Variants in LGALS1 observed in about 807,000 individuals in gnomAD.
LGALS1 encodes the protein galectin-1.
In LGALS1, 14 loss-of-function variants were observed where a neutral mutation model predicts 14.4. That is an observed-to-expected ratio of 0.97 (90% confidence interval 0.64 to 1.52). The LOEUF (loss-of-function observed/expected upper bound fraction) is 1.52, where lower values mean the gene tolerates loss of function less well. Ranked by LOEUF, LGALS1 falls within the 40% of genes most tolerant of loss-of-function variation. The pLI is 0.00. For synonymous variants in LGALS1, 71 were observed against 73.4 expected (o/e 0.97, Z 0.17); for missense variants, 170 against 181.4 (o/e 0.94, Z 0.36).
chr22:37,678,760 C>T lies in LGALS1; in HGVS notation c.261+106C>T, dbSNP rs368995959. 4.6e-5 allele frequency: 50 copies of T among 1,094,998 alleles called. No individual in the cohort carries two copies. In the South Asian group the frequency reaches 7.1e-4, roughly 16 times the overall value. 67.8% of individuals were successfully genotyped at this position (1,094,998 alleles called of 1,614,324 possible). ...TGGCCCTGCCTGCTCTTTCCCCTCC[C>T]CTTCCCTCCCTTCCTGTGTGATGGC... On this transcript the variant is annotated intron_variant, in intron 3 of 3. Transcript: ENST00000215909.
intron 2 of LGALS1, chr22:37,677,489 T>C (rs1420712828): frequency 1.0e-5 from 2 of 190,554 alleles, no homozygotes; most frequent in African/African-American, 4.7e-5. Flanking sequence ...TCACTTCTCA[T>C]TCACTCAGAC....
At chr22:37,676,905 C>A (rs1273965722) in intron 1 of LGALS1, 81 bp from the exon 2 acceptor site, 3 of 1,462,184 alleles carry the variant, frequency 2.1e-6, no homozygotes, top group South Asian at 2.3e-5. Flanking sequence ...AACCCCACTC[C>A]CACCCCCAGC....
Position 37,675,648 on chromosome 22 carries a change from T to A in LGALS1, c.-55T>A, listed in dbSNP as rs1267212951. On this transcript the variant is annotated 5_prime_UTR_variant, in exon 1 of 4. Transcript: ENST00000215909. Reference sequence around the variant, plus strand: ...CGTCCGGGGGCCCATCTCTCTCGGGTGGAGTCTTCTGACAGCTGGTGCGCC... The same window carrying A: ...CGTCCGGGGGCCCATCTCTCTCGGGAGGAGTCTTCTGACAGCTGGTGCGCC... The A allele has an allele frequency of 6.5e-7, 1 of 1,544,800 alleles. No homozygotes were observed. Among genetic ancestry groups the A allele is most frequent in the Non-Finnish European group, 8.7e-7 (1 of 1,144,302 alleles).
chr22:37,677,291 G>T, intron 2 of LGALS1: 1 of 560,468 alleles, frequency 1.8e-6, no homozygotes. Flanking sequence ...AACTAAACCA[G>T]CTGCAGCCTC....
intron 2 of LGALS1, 155 bp from the exon 3 acceptor site, chr22:37,678,328 G>A: frequency 1.3e-6 from 1 of 788,796 alleles, no homozygotes; most frequent in Non-Finnish European, 2.2e-6. Context: ...AGGGGCAGGA[G>A]CAGGTGGCAT....
chr22:37,679,658 A>G lies in LGALS1; in HGVS notation c.317A>G (p.Glu106Gly), dbSNP rs148625706. 2 of 1,610,638 alleles carry G rather than the reference A, an allele frequency of 1.2e-6. No homozygotes were observed. The highest frequency in any genetic ancestry group is 2.7e-5 in the African/African-American group (2 of 74,814). The change falls in exon 4 of 4, where the codon GAA becomes GGA. Residue 106 changes from glutamate (E) to glycine (G), a missense_variant. Coordinates refer to ENST00000215909, the MANE Select transcript of LGALS1 (RefSeq NM_002305.4). ...NLTVKLPDGY[E>G]FKFPNRLNLE... Reference sequence around the variant, plus strand: ...ACCGTCAAGCTGCCAGATGGATACGAATTCAAGTTCCCCAACCGCCTCAAC... The same window carrying G: ...ACCGTCAAGCTGCCAGATGGATACGGATTCAAGTTCCCCAACCGCCTCAAC...
chr22:37,678,507 C>T lies in LGALS1; in HGVS notation c.114C>T (p.Asp38=). The part of the protein sequence containing the change: ...AKSFVLNLGK[D]SNNLCLHFNP... ...GCTTCGTGCTGAACCTGGGCAAAGA[C>T]AGCAACAACCTGTGCCTGCACTTCA... Residue 38 remains aspartate, a synonymous_variant, in exon 3 of 4, where the codon GAC becomes GAT. Coordinates refer to ENST00000215909, the MANE Select transcript of LGALS1 (RefSeq NM_002305.4). 6.2e-7 allele frequency: 1 copy of T among 1,613,628 alleles called. No individual in the cohort carries two copies. Among genetic ancestry groups the T allele is most frequent in the Non-Finnish European group, 8.5e-7 (1 of 1,180,042 alleles).
In LGALS1 at chr22:37,675,669, G is replaced by T. The variant is rs781644958; in HGVS notation, c.-34G>T. On this transcript the variant is annotated 5_prime_UTR_variant, in exon 1 of 4. Transcript: ENST00000215909. Reference sequence around the variant, plus strand: ...CGGGTGGAGTCTTCTGACAGCTGGTGCGCCTGCCCGGGAACATCCTCCTGG... The same window carrying T: ...CGGGTGGAGTCTTCTGACAGCTGGTTCGCCTGCCCGGGAACATCCTCCTGG... The T allele has an allele frequency of 1.6e-5, 25 of 1,549,294 alleles. No individual in the cohort carries two copies. In the Admixed American group the frequency reaches 4.3e-4, roughly 27 times the overall value.
chr22:37,678,517 C>T lies in LGALS1; in HGVS notation c.124C>T (p.Leu42=), dbSNP rs770561637. The T allele has an allele frequency of 6.2e-7, 1 of 1,613,660 alleles. No individual in the cohort carries two copies. The highest frequency in any genetic ancestry group is 1.1e-5 in the South Asian group (1 of 91,086). Residue 42 remains leucine, a synonymous_variant, in exon 3 of 4, where the codon CTG becomes TTG. Transcript: ENST00000215909. ...VLNLGKDSNN[L]CLHFNPRFNA... is the part of the protein sequence containing the mutation. Reference sequence around the variant, plus strand: ...GAACCTGGGCAAAGACAGCAACAACCTGTGCCTGCACTTCAACCCTCGCTT... The same window carrying T: ...GAACCTGGGCAAAGACAGCAACAACTTGTGCCTGCACTTCAACCCTCGCTT...
intron 3 of LGALS1, 26 bp from the exon 4 acceptor site, chr22:37,679,577 G>A (rs372678788): frequency 1.9e-5 from 30 of 1,558,314 alleles, no homozygotes; most frequent in Admixed American, 7.4e-5. Context: ...ATGTGGGCCC[G>A]GCTCACTGCT....
At position 37,675,637 on chromosome 22, in the gene LGALS1, T is replaced by C; in HGVS notation, c.-66T>C. 3 of 1,532,522 alleles carry C rather than the reference T, an allele frequency of 2.0e-6. No individual in the cohort carries two copies. The highest frequency in any genetic ancestry group is 2.5e-5 in the East Asian group (1 of 40,336). 94.9% of individuals were successfully genotyped at this position (1,532,522 alleles called of 1,614,324 possible). ...AAGGGTGGGAGCGTCCGGGGGCCCA[T>C]CTCTCTCGGGTGGAGTCTTCTGACA... On this transcript the variant is annotated 5_prime_UTR_variant, in exon 1 of 4. Coordinates refer to ENST00000215909, the MANE Select transcript of LGALS1 (RefSeq NM_002305.4).
At chr22:37,678,692 GCT>G in intron 3 of LGALS1, 38 bp downstream of exon 3, 3 of 1,461,386 alleles carry the variant, frequency 2.1e-6, no homozygotes, top group South Asian at 1.3e-5. Flanking sequence ...AGGGACAGGG[GCT>G]GGGTGGGCTG....
rs981801996 is a variant in LGALS1, at chr22:37,675,994, G to A, written c.9+283G>A. ...TTCTGCAGCTCTCTGAGAAGTGAGC[G>A]TGGGAAGGGTGTGGCCAACTGGGGG... On this transcript the variant is annotated intron_variant, in intron 1 of 3. Transcript: ENST00000215909. The A allele has an allele frequency of 1.1e-5, 4 of 353,758 alleles. No homozygotes were observed. In the Admixed American group the frequency reaches 1.4e-4, roughly 12 times the overall value. The allele number at this position is 353,758 out of a possible 1,614,324, so 21.9% of individuals were successfully genotyped here. A position where few individuals can be genotyped will look rare whatever the true frequency, so the allele number is the denominator to read the frequency against.
At chr22:37,677,208 C>G in intron 2 of LGALS1, 143 bp downstream of exon 2, 4 of 798,272 alleles carry the variant, frequency 5.0e-6, no homozygotes, top group Non-Finnish European at 8.0e-6. Flanking sequence ...GGGTGACTCA[C>G]TTCCCCCGCA....
In LGALS1 at chr22:37,678,675, G is replaced by A. The variant is rs201542530; in HGVS notation, c.261+21G>A. The A allele has an allele frequency of 1.0e-3, 1,582 of 1,562,124 alleles. 14 individuals carry two copies. The African/African-American group carries it at 0.019, about 18-fold the overall frequency. On this transcript the variant is annotated intron_variant, in intron 3 of 3. Coordinates refer to ENST00000215909, the MANE Select transcript of LGALS1 (RefSeq NM_002305.4). ...CAGAGGTGGGCTGCAGACCGGAACC[G>A]GGGACCAGGGACAGGGGCTGGGTGG...
chr22:37,676,855 G>C, intron 1 of LGALS1, 131 bp from the exon 2 acceptor site: 1 of 854,302 alleles, frequency 1.2e-6, no homozygotes, highest in African/African-American at 1.7e-5. Context: ...CCTTTCCCCA[G>C]GCTTCCCCTT....
At chr22:37,677,132 G>A in intron 2 of LGALS1, 67 bp downstream of exon 2, 1 of 1,492,952 alleles carries the variant, frequency 6.7e-7, no homozygotes, top group East Asian at 2.3e-5. Flanking sequence ...GGCGTGGCCG[G>A]CCAAGCCCAC....
At chr22:37,675,931 G>A (rs1489799634) in intron 1 of LGALS1, among the ~76,000 whole-genome samples, 1 of 152,336 alleles carries the variant, frequency 6.6e-6, no homozygotes, top group Non-Finnish European at 1.5e-5. Flanking sequence ...GATTCCTCCA[G>A]GGTCTGAAAG....
intron 1 of LGALS1, 124 bp downstream of exon 1, chr22:37,675,835 C>T: frequency 1.2e-6 from 1 of 828,920 alleles, no homozygotes; most frequent in Non-Finnish European, 1.8e-6. Flanking sequence ...AGTGCCTTCT[C>T]TTTTCTGGAC....
Sources: gnomAD v4.1 joint callset for allele counts (sites outside exome capture counted in the v4.1 genomes callset) on GRCh38, gnomAD v4.1.1 for gene constraint, MANE v1.5 for transcripts, NCBI Gene and HGNC (gene_info 2026-07-23, HGNC 2026-07-21) for gene names.